STK32B: variants seen among roughly 807,000 people sequenced by gnomAD.
The protein encoded by STK32B is serine/threonine-protein kinase 32B.
In STK32B, 43 loss-of-function variants were observed where a neutral mutation model predicts 52.6. That is an observed-to-expected ratio of 0.82 (90% CI 0.64 to 1.05). STK32B has a LOEUF of 1.05. Among genes scored for constraint, STK32B ranks in the 50% least tolerant of loss-of-function variants. The pLI, the probability that STK32B is intolerant of heterozygous loss-of-function variation, is 0.00. For synonymous variants in STK32B, 238 were observed against 204.3 expected, an observed-to-expected ratio of 1.17 and a Z score of -1.41; for missense variants, 621 against 534.6, an observed-to-expected ratio of 1.16 and a Z score of -1.59.
chr4:5,337,396 A>C (rs368432458), intron 4 of STK32B, among the ~76,000 whole-genome samples: 17 of 152,150 alleles, frequency 1.1e-4, no homozygotes, highest in Admixed American at 9.8e-4. Context: ...GTCCTCCCAT[A>C]TACCTTTTCT....
intron 4 of STK32B, among the ~76,000 whole-genome samples, chr4:5,343,403 G>T (rs562281409): frequency 1.3e-5 from 2 of 152,038 alleles, no homozygotes; most frequent in African/African-American, 4.8e-5. Flanking sequence ...TAGTGCCGCA[G>T]TAAACATACG....
At chr4:5,277,233 G>A (rs1485995568) in intron 3 of STK32B, among the ~76,000 whole-genome samples, 1 of 152,222 alleles carries the variant, frequency 6.6e-6, no homozygotes, top group Non-Finnish European at 1.5e-5. Context: ...GCACTTTCTA[G>A]CATTGGCTTC....
At chr4:5,422,958 G>A (rs1449051480) in intron 6 of STK32B, among the ~76,000 whole-genome samples, 3 of 152,180 alleles carry the variant, frequency 2.0e-5, no homozygotes, top group Non-Finnish European at 2.9e-5. Flanking sequence ...GCATTGGGGA[G>A]TGAAGCACCA....
At chr4:5,171,623 C>T (rs560841678) in intron 3 of STK32B, among the ~76,000 whole-genome samples, 20,828 of 143,054 alleles carry the variant, frequency 0.15, 2,161 homozygotes, top group East Asian at 0.27. Context: ...GTTGTAGATA[C>T]ATGGCATTAT....
intron 1 of STK32B, among the ~76,000 whole-genome samples, chr4:5,071,048 G>C (rs1260907014): frequency 1.3e-5 from 2 of 152,096 alleles, no homozygotes; most frequent in East Asian, 3.9e-4. Flanking sequence ...AACAAGCACC[G>C]GGCCCTCCTG....
At chr4:5,047,564 C>G (rs1485774558), upstream of STK32B, among the ~76,000 whole-genome samples, 1 of 152,218 alleles carries the variant, frequency 6.6e-6, no homozygotes, top group East Asian at 1.9e-4. Context: ...TTCAACACAT[C>G]TGAAACCATC....
intron 3 of STK32B, among the ~76,000 whole-genome samples, chr4:5,227,649 G>C (rs1287173778): frequency 6.6e-6 from 1 of 152,138 alleles, no homozygotes; most frequent in African/African-American, 2.4e-5. Flanking sequence ...GTAAAAATGA[G>C]GTAGCATGCA....
intron 4 of STK32B, among the ~76,000 whole-genome samples, chr4:5,346,717 C>T (rs1733486756): frequency 6.6e-6 from 1 of 152,200 alleles, no homozygotes. Flanking sequence ...GCTCACCTCC[C>T]ACAGAGCTGT....
At chr4:5,057,918 C>A (rs188247717) in intron 1 of STK32B, among the ~76,000 whole-genome samples, 77 of 152,208 alleles carry the variant, frequency 5.1e-4, no homozygotes, top group African/African-American at 1.7e-3. Context: ...GTTTAGGATA[C>A]CAGAGGAGAA....
At chr4:5,352,646 A>G (rs1312347439) in intron 4 of STK32B, among the ~76,000 whole-genome samples, 1 of 151,944 alleles carries the variant, frequency 6.6e-6, no homozygotes, top group Non-Finnish European at 1.5e-5. Context: ...CAAACTAAAA[A>G]AGAAGTCATT....
chr4:5,446,913 C>T, intron 7 of STK32B, 137 bp downstream of exon 7: 4 of 743,766 alleles, frequency 5.4e-6, no homozygotes, highest in Non-Finnish European at 8.9e-6. Context: ...GGTTTCAGTC[C>T]TGATGCCTGT....
At chr4:5,452,306 C>G (rs746674111) in intron 7 of STK32B, among the ~76,000 whole-genome samples, 1 of 151,834 alleles carries the variant, frequency 6.6e-6, no homozygotes, top group Non-Finnish European at 1.5e-5. Context: ...AGAGCTCCGC[C>G]GAGAGGTGAG....
At chr4:5,065,554 C>T (rs1182298476) in intron 1 of STK32B, among the ~76,000 whole-genome samples, 3 of 152,158 alleles carry the variant, frequency 2.0e-5, no homozygotes, top group Non-Finnish European at 2.9e-5. Context: ...TCCTTCTTCT[C>T]ACTCCGATCT....
intron 11 of STK32B, among the ~76,000 whole-genome samples, chr4:5,497,610 T>A (rs1186119998): frequency 2.0e-5 from 3 of 152,232 alleles, no homozygotes; most frequent in African/African-American, 7.2e-5. Flanking sequence ...ACCAATTCGC[T>A]GTCTTATGAA....
chr4:5,225,322 G>A (rs549067402), intron 3 of STK32B, among the ~76,000 whole-genome samples: 2 of 152,050 alleles, frequency 1.3e-5, no homozygotes, highest in East Asian at 3.9e-4. Flanking sequence ...CAGGAGAATC[G>A]TTTGAACCCA....
intron 3 of STK32B, among the ~76,000 whole-genome samples, chr4:5,287,164 A>T (rs2108878750): frequency 6.6e-6 from 1 of 152,288 alleles, no homozygotes; most frequent in East Asian, 1.9e-4. Context: ...GTATATGTTC[A>T]GCTTTAGTAG....
At chr4:5,065,406 G>T (rs1742380964) in intron 1 of STK32B, among the ~76,000 whole-genome samples, 1 of 152,154 alleles carries the variant, frequency 6.6e-6, no homozygotes, top group Admixed American at 6.5e-5. Flanking sequence ...TCTGGAGAAG[G>T]CATTGTTGCC....
chr4:5,119,706 A>G (rs1714921329), intron 1 of STK32B, among the ~76,000 whole-genome samples: 1 of 152,222 alleles, frequency 6.6e-6, no homozygotes, highest in Non-Finnish European at 1.5e-5. Context: ...GGACACTTTT[A>G]GTTCTGAAGG....
chr4:5,101,663 A>AT (rs1045101615), intron 1 of STK32B, among the ~76,000 whole-genome samples: 8 of 151,674 alleles, frequency 5.3e-5, no homozygotes, highest in African/African-American at 1.7e-4. Flanking sequence ...TTTCTTTGCT[A>AT]TTTTTTTTAA....
Sources: allele counts gnomAD v4.1 joint callset (sites outside exome capture counted in the v4.1 genomes callset), GRCh38; gene constraint gnomAD v4.1.1; transcripts MANE v1.5; gene names NCBI Gene and HGNC (gene_info 2026-07-23, HGNC 2026-07-21).